Variants in FANCB observed in about 807,000 individuals in gnomAD.
FANCB encodes the protein FA complementation group B.
In FANCB, 5 loss-of-function variants were observed where a neutral mutation model predicts 38.9. The observed-to-expected ratio is 0.13, with a 90% CI of 0.07 to 0.27. FANCB has a LOEUF of 0.27. Ranked by LOEUF, FANCB falls within the 10% of genes least tolerant of loss-of-function variation. The pLI, the probability that FANCB is intolerant of heterozygous loss-of-function variation, is 1.00. For missense variants in FANCB, 573 were observed against 602.7 expected, an observed-to-expected ratio of 0.95 and a Z score of 0.52; for synonymous variants, 236 against 215.4, an observed-to-expected ratio of 1.10 and a Z score of -0.84.
chrX:14,813,788 C>G, the FANCB span, among the ~76,000 whole-genome samples: 1 of 111,784 alleles, frequency 8.9e-6, no homozygotes, highest in African/African-American at 3.3e-5. Flanking sequence ...CCCCATCAAG[C>G]TACCAATGCC....
chrX:14,759,991 A>G, the FANCB span, among the ~76,000 whole-genome samples: 10 of 111,377 alleles, frequency 9.0e-5, no homozygotes, highest in Non-Finnish European at 1.9e-4. Flanking sequence ...CCTGCCTTAC[A>G]AGAGCTCCTG....
the FANCB span, among the ~76,000 whole-genome samples, chrX:14,782,168 A>C: frequency 8.9e-6 from 1 of 111,926 alleles, no homozygotes; most frequent in African/African-American, 3.3e-5. Context: ...TGAGGTCTTA[A>C]TCTATCACTC....
At chrX:14,690,270 CTAAT>C in the FANCB span, among the ~76,000 whole-genome samples, 4 of 111,608 alleles carry the variant, frequency 3.6e-5, no homozygotes, top group Non-Finnish European at 7.5e-5. Context: ...TTTTTCTTGT[CTAAT>C]TAAGAGAATA....
chrX:14,853,206 T>C (rs781644458), intron 5 of FANCB, 39 bp from the exon 6 acceptor site: 36 of 1,158,246 alleles, frequency 3.1e-5, no homozygotes, highest in Non-Finnish European at 4.2e-5. Flanking sequence ...AGAAACATGA[T>C]TTCAAATGAA....
At chrX:14,828,917 C>G in the FANCB span, among the ~76,000 whole-genome samples, 3 of 111,203 alleles carry the variant, frequency 2.7e-5, no homozygotes, top group Non-Finnish European at 3.8e-5. Flanking sequence ...CTATGTTGCC[C>G]AGGCTGGTCT....
At chrX:14,795,216 T>C in the FANCB span, among the ~76,000 whole-genome samples, 1 of 112,600 alleles carries the variant, frequency 8.9e-6, no homozygotes, top group East Asian at 2.8e-4. Flanking sequence ...GAAAAGGCTT[T>C]AATTTTCATC....
the FANCB span, among the ~76,000 whole-genome samples, chrX:14,824,940 C>G: frequency 8.9e-6 from 1 of 112,198 alleles, no homozygotes; most frequent in Non-Finnish European, 1.9e-5. Context: ...TTCCCTTGGT[C>G]TTTGTCTGAA....
the FANCB span, among the ~76,000 whole-genome samples, chrX:14,814,256 C>A: frequency 1.8e-5 from 2 of 111,299 alleles, no homozygotes; most frequent in Admixed American, 1.9e-4. Context: ...ATTCAGGACA[C>A]AGGCATGGGC....
At chrX:14,776,494 C>T in the FANCB span, among the ~76,000 whole-genome samples, 1 of 111,643 alleles carries the variant, frequency 9.0e-6, no homozygotes, top group Non-Finnish European at 1.9e-5. Context: ...AGAGGTTGTG[C>T]TATATCAGCA....
chrX:14,711,339 T>C, the FANCB span, among the ~76,000 whole-genome samples: 2 of 112,413 alleles, frequency 1.8e-5, no homozygotes, highest in Non-Finnish European at 3.8e-5. Flanking sequence ...TGTTTATAAA[T>C]TGGAATATCA....
chrX:14,756,157 C>T, the FANCB span, among the ~76,000 whole-genome samples: 88 of 111,811 alleles, frequency 7.9e-4, no homozygotes, highest in Non-Finnish European at 1.5e-3. Context: ...TTACCTACAG[C>T]CACATACAAA....
chrX:14,757,984 A>G, the FANCB span, among the ~76,000 whole-genome samples: 908 of 111,464 alleles, frequency 8.1e-3, 6 homozygotes, highest in Middle Eastern at 0.018. Flanking sequence ...CTGCTCATCC[A>G]CTGACTGGAA....
At chrX:14,729,124 C>G in the FANCB span, among the ~76,000 whole-genome samples, 6 of 112,090 alleles carry the variant, frequency 5.4e-5, no homozygotes, top group African/African-American at 1.9e-4. Context: ...TGGATGAAGA[C>G]ACTACTGACA....
chrX:14,815,509 C>A, the FANCB span, among the ~76,000 whole-genome samples: 1 of 112,243 alleles, frequency 8.9e-6, no homozygotes, highest in Non-Finnish European at 1.9e-5. Flanking sequence ...TAAAAAGTCA[C>A]AAAATAACAG....
chrX:14,872,643 C>CA (rs1170257695), intron 1 of FANCB, among the ~76,000 whole-genome samples: 2 of 67,044 alleles, frequency 3.0e-5, no homozygotes, highest in Admixed American at 1.5e-4. Flanking sequence ...CCGCCCCCCC[C>CA]ACACACACCC....
the FANCB span, among the ~76,000 whole-genome samples, chrX:14,748,375 T>TTGA: frequency 9.1e-6 from 1 of 109,715 alleles, no homozygotes; most frequent in Non-Finnish European, 1.9e-5. Flanking sequence ...TGGACAGCAC[T>TTGA]TTGTGGCCTT....
At chrX:14,859,014 G>A (rs1030807551) in intron 4 of FANCB, among the ~76,000 whole-genome samples, 168 bp downstream of exon 4, 13 of 111,419 alleles carry the variant, frequency 1.2e-4, no homozygotes, top group Admixed American at 2.9e-4. Context: ...AACATTTGTT[G>A]AAAGGAGATT....
chrX:14,787,567 G>C, the FANCB span, among the ~76,000 whole-genome samples: 33 of 109,781 alleles, frequency 3.0e-4, no homozygotes, highest in African/African-American at 1.0e-3. Flanking sequence ...AAAATAAGTA[G>C]GTAAAGTGTT....
At chrX:14,699,988 G>A in the FANCB span, among the ~76,000 whole-genome samples, 19 of 111,709 alleles carry the variant, frequency 1.7e-4, no homozygotes, top group African/African-American at 5.9e-4. Flanking sequence ...AGGGTGGAGG[G>A]TGGAAGGACA....
Sources: gnomAD v4.1 joint callset for allele counts (sites outside exome capture counted in the v4.1 genomes callset) on GRCh38, gnomAD v4.1.1 for gene constraint, MANE v1.5 for transcripts, NCBI Gene and HGNC (gene_info 2026-07-23, HGNC 2026-07-21) for gene names.